The following NIPSNAP2 variants were observed in gnomAD, a reference collection of about 807,000 sequenced individuals.
NIPSNAP2 encodes the protein nipsnap homolog 2, also known as protein NipSnap homolog 2.
In NIPSNAP2, 42 loss-of-function variants were observed where a neutral mutation model predicts 48.4. That is an observed-to-expected ratio of 0.87 (90% confidence interval 0.68 to 1.12). The LOEUF (loss-of-function observed/expected upper bound fraction) is 1.12, where lower values mean the gene tolerates loss of function less well. Ranked by LOEUF, NIPSNAP2 falls within the 50% of genes most tolerant of loss-of-function variation. The pLI is 0.00. For missense variants in NIPSNAP2, 314 were observed against 347.3 expected, an observed-to-expected ratio of 0.90 and a Z score of 0.76; for synonymous variants, 158 against 126.6, an observed-to-expected ratio of 1.25 and a Z score of -1.67.
intron 7 of NIPSNAP2, among the ~76,000 whole-genome samples, chr7:55,993,361 G>A (rs1012564688): frequency 3.4e-4 from 52 of 151,000 alleles, no homozygotes; most frequent in African/African-American, 1.2e-3. Context: ...TTGGGAGGCC[G>A]AAGCGGGGCA....
chr7:55,996,869 C>A (rs1787573703), intron 8 of NIPSNAP2, among the ~76,000 whole-genome samples: 1 of 151,920 alleles, frequency 6.6e-6, no homozygotes, highest in African/African-American at 2.4e-5. Context: ...CTCAAACAAA[C>A]AAACAAATAA....
chr7:55,989,925 G>A (rs930871752), intron 7 of NIPSNAP2, among the ~76,000 whole-genome samples: 1 of 149,892 alleles, frequency 6.7e-6, no homozygotes, highest in Non-Finnish European at 1.5e-5. Flanking sequence ...TGGCCAACAT[G>A]GTGAAACCCT....
intron 7 of NIPSNAP2, among the ~76,000 whole-genome samples, chr7:55,990,995 T>C (rs138472458): frequency 1.3e-5 from 2 of 152,162 alleles, no homozygotes; most frequent in East Asian, 3.9e-4. Flanking sequence ...TTCGCCATGT[T>C]GGCCAGGCTG....
chr7:55,990,917 A>G (rs1294606595), intron 7 of NIPSNAP2, among the ~76,000 whole-genome samples: 1 of 151,156 alleles, frequency 6.6e-6, no homozygotes, highest in Non-Finnish European at 1.5e-5. Flanking sequence ...CCTCCCAAGT[A>G]GTTGGGATTA....
intron 1 of NIPSNAP2, among the ~76,000 whole-genome samples, chr7:55,972,590 G>T (rs1353667560): frequency 6.6e-6 from 1 of 151,552 alleles, no homozygotes; most frequent in African/African-American, 2.4e-5. Context: ...GCGCCACCAT[G>T]CCTGGCTAAT....
At chr7:55,982,182 G>A (rs1304307053) in intron 4 of NIPSNAP2, 28 bp from the exon 5 acceptor site, 10 of 1,454,150 alleles carry the variant, frequency 6.9e-6, no homozygotes, top group Admixed American at 3.4e-5. Context: ...AATTCTAAAC[G>A]TATACTGTCT....
intron 1 of NIPSNAP2, among the ~76,000 whole-genome samples, chr7:55,968,166 T>C (rs530322552): frequency 9.2e-5 from 14 of 152,118 alleles, no homozygotes; most frequent in African/African-American, 3.1e-4. Flanking sequence ...TGGTTCCTAA[T>C]CCCTCCTCCC....
Position 55,997,444 on chromosome 7 carries a change from A to C in NIPSNAP2, c.791A>C (p.Tyr264Ser), listed in dbSNP as rs765514799. The change falls in exon 9 of 10, where the codon TAC becomes TCC. Residue 264 changes from tyrosine to serine, a missense_variant. By Grantham distance (144) the Tyr-to-Ser change is moderately radical. Transcript: ENST00000322090. ...HKHGWEELVY[Y>S]TVPLIQEMES... Reference sequence around the variant, plus strand: ...CATGGCTGGGAGGAATTGGTATATTACACAGGTAATCTCTTAACAGCCATG... The same window carrying C: ...CATGGCTGGGAGGAATTGGTATATTCCACAGGTAATCTCTTAACAGCCATG... 6 of 1,609,270 alleles carry C rather than the reference A, an allele frequency of 3.7e-6. No individual in the cohort carries two copies. In the East Asian group the frequency reaches 1.3e-4, roughly 36 times the overall value.
rs530239989 is a variant in NIPSNAP2 at position 55,972,595 on chromosome 7, G to A, written c.93-5531G>A. Among the ~76,000 whole-genome samples the A allele has an allele frequency of 2.0e-5, 3 of 151,742 alleles. No homozygotes were observed. In the South Asian group the frequency reaches 6.3e-4, roughly 32 times the overall value. ...TTACAGGCATGCGCCACCATGCCTG[G>A]CTAATTTTATATTTTTAGTAGAGAC... On this transcript the variant is annotated intron_variant, in intron 1 of 9. Transcript: ENST00000322090.
chr7:55,998,819 T>C (rs929980529), intron 9 of NIPSNAP2, among the ~76,000 whole-genome samples, 189 bp from the exon 10 acceptor site: 3 of 152,164 alleles, frequency 2.0e-5, no homozygotes, highest in African/African-American at 7.2e-5. Flanking sequence ...TAATAGCATC[T>C]TGTAGGATGG....
intron 8 of NIPSNAP2, 123 bp downstream of exon 8, chr7:55,995,111 G>T: frequency 1.3e-6 from 1 of 784,602 alleles, no homozygotes; most frequent in Non-Finnish European, 2.2e-6. Flanking sequence ...CGTCACAGAG[G>T]GACAGTCTGT....
In NIPSNAP2 at chr7:56,000,064, A is replaced by G. The variant is rs187002280; in HGVS notation, c.*992A>G. 1.2e-3 allele frequency: 179 copies of G among 152,788 alleles called. 1 individual carries two copies. Among genetic ancestry groups the G allele is most frequent in the Middle Eastern group, 6.8e-3 (2 of 294 alleles). 9.5% of individuals were successfully genotyped at this position (152,788 alleles called of 1,614,324 possible). A position where few individuals can be genotyped will look rare whatever the true frequency, so the allele number is the denominator to read the frequency against. On this transcript the variant is annotated 3_prime_UTR_variant, in exon 10 of 10. Transcript: ENST00000322090. ...GAAATGAACAATTGTCTGCCCCACA[A>G]TCAAGAATGTATGTGTAAAGTGTGA...
At chr7:55,974,845 C>CT (rs1438807785) in intron 1 of NIPSNAP2, among the ~76,000 whole-genome samples, 2 of 73,400 alleles carry the variant, frequency 2.7e-5, no homozygotes, top group Non-Finnish European at 5.7e-5. Flanking sequence ...GCGACTCTGT[C>CT]TTAAAAAAAA....
intron 1 of NIPSNAP2, among the ~76,000 whole-genome samples, chr7:55,965,798 C>G (rs1786881016): frequency 6.6e-6 from 1 of 152,148 alleles, no homozygotes; most frequent in South Asian, 2.1e-4. Flanking sequence ...TCAGGCTGAT[C>G]TCGAACTCCT....
intron 3 of NIPSNAP2, chr7:55,981,259 G>A (rs773749008): frequency 1.2e-5 from 5 of 401,620 alleles, no homozygotes; most frequent in Non-Finnish European, 2.3e-5. Flanking sequence ...AGATAGTTGG[G>A]GTATCAGAAA....
At chr7:55,988,675 G>A (rs983393829) in intron 7 of NIPSNAP2, among the ~76,000 whole-genome samples, 5 of 152,016 alleles carry the variant, frequency 3.3e-5, no homozygotes, top group South Asian at 2.1e-4. Flanking sequence ...CCTGGCCAAC[G>A]TGACAAGACC....
intron 3 of NIPSNAP2, 146 bp downstream of exon 3, chr7:55,978,541 A>G (rs1047613896): frequency 2.7e-6 from 2 of 750,630 alleles, no homozygotes; most frequent in Non-Finnish European, 2.1e-6. Context: ...ACTGAGCTTC[A>G]TGTGGGATTG....
intron 1 of NIPSNAP2, among the ~76,000 whole-genome samples, chr7:55,965,865 A>G (rs4470984): frequency 0.71 from 108,467 of 152,052 alleles, 39,086 homozygotes; most frequent in Non-Finnish European, 0.76. Flanking sequence ...ACAGTCGTGA[A>G]TCACCAGGCG....
intron 1 of NIPSNAP2, among the ~76,000 whole-genome samples, chr7:55,965,668 C>T (rs1167234018): frequency 6.6e-6 from 1 of 152,056 alleles, no homozygotes; most frequent in Non-Finnish European, 1.5e-5. Flanking sequence ...GCAACCTCCG[C>T]CTCCCGGGTT....
Sources: allele counts gnomAD v4.1 joint callset (sites outside exome capture counted in the v4.1 genomes callset), GRCh38; gene constraint gnomAD v4.1.1; transcripts MANE v1.5; gene names NCBI Gene and HGNC (gene_info 2026-07-23, HGNC 2026-07-21).